The following NCAM1 variants were observed in gnomAD, a reference collection of about 807,000 sequenced individuals.
NCAM1 encodes the protein neural cell adhesion molecule 1.
In NCAM1, 14 loss-of-function variants were observed where a neutral mutation model predicts 109.8. That is an observed-to-expected ratio of 0.13 (90% CI 0.08 to 0.20). NCAM1 has a LOEUF of 0.20. Among genes scored for constraint, NCAM1 ranks in the 10% least tolerant of loss-of-function variants. The pLI is 1.00. For synonymous variants in NCAM1, 418 were observed against 442.9 expected, an observed-to-expected ratio of 0.94 and a Z score of 0.70; for missense variants, 774 against 1,109.9, an observed-to-expected ratio of 0.70 and a Z score of 4.30.
At chr11:113,224,217 T>C (rs79625788) in intron 9 of NCAM1, among the ~76,000 whole-genome samples, 12,856 of 152,124 alleles carry the variant, frequency 0.085, 672 homozygotes, top group East Asian at 0.21. Flanking sequence ...ATCTGAAAAA[T>C]TGGGTCATTC....
chr11:113,158,494 A>G (rs1274885206), intron 1 of NCAM1, among the ~76,000 whole-genome samples: 3 of 152,216 alleles, frequency 2.0e-5, no homozygotes, highest in Admixed American at 6.5e-5. Context: ...TTGGTCACAC[A>G]GAATTTTAAG....
In NCAM1 at chr11:113,004,232, C is replaced by T. The variant is rs528625094; in HGVS notation, c.52+42568C>T. On this transcript the variant is annotated intron_variant, in intron 1 of 19. Transcript: ENST00000316851. Reference sequence around the variant, plus strand: ...TCTTGTGGCCGGGCGCGGTGGCTCACGCCTGTAATCGCAGCACTTTGGGAG... The same window carrying T: ...TCTTGTGGCCGGGCGCGGTGGCTCATGCCTGTAATCGCAGCACTTTGGGAG... 1.1e-4 allele frequency among the ~76,000 whole-genome samples: 17 copies of T among 152,282 alleles called. No individual in the cohort carries two copies. The East Asian group carries it at 2.3e-3, about 21-fold the overall frequency.
chr11:113,077,783 T>C (rs1555086421), intron 1 of NCAM1, among the ~76,000 whole-genome samples: 1 of 151,466 alleles, frequency 6.6e-6, no homozygotes. Context: ...TCTTCCTGGG[T>C]TCAAGTGATT....
intron 1 of NCAM1, among the ~76,000 whole-genome samples, chr11:112,967,505 G>T (rs1950760089): frequency 6.6e-6 from 1 of 152,184 alleles, no homozygotes; most frequent in African/African-American, 2.4e-5. Context: ...TCAGACAAAT[G>T]ATTTAACTCC....
intron 1 of NCAM1, among the ~76,000 whole-genome samples, chr11:112,978,867 T>G (rs1951075345): frequency 6.6e-6 from 1 of 151,854 alleles, no homozygotes; most frequent in Admixed American, 6.6e-5. Flanking sequence ...TTTTAAATGA[T>G]TTTGTTAAAT....
intron 1 of NCAM1, among the ~76,000 whole-genome samples, chr11:113,083,972 G>A (rs182560553): frequency 3.9e-5 from 6 of 152,300 alleles, no homozygotes; most frequent in African/African-American, 1.4e-4. Flanking sequence ...ATGAGAAGAA[G>A]CTGGGGAGGG....
rs1950553278 is a variant in NCAM1 at position 112,961,503 on chromosome 11, G to A, written c.-110G>A. The A allele has an allele frequency of 1.2e-6, 1 of 804,750 alleles. No individual in the cohort carries two copies. The highest frequency in any genetic ancestry group is 2.3e-6 in the Non-Finnish European group (1 of 440,960). 49.9% of individuals were successfully genotyped at this position (804,750 alleles called of 1,614,324 possible). On this transcript the variant is annotated 5_prime_UTR_variant, in exon 1 of 20. Coordinates refer to ENST00000316851, the MANE Select transcript of NCAM1 (RefSeq NM_181351.5). The stretch of plus-strand genomic sequence containing the variant: ...TGCAAAAATAATCATACTCAGCCTG[G>A]CAATTGTCTGCCCCTAGGTCTGTCG...
chr11:113,136,592 G>A (rs1211819447), intron 1 of NCAM1, among the ~76,000 whole-genome samples: 1 of 152,188 alleles, frequency 6.6e-6, no homozygotes, highest in Non-Finnish European at 1.5e-5. Flanking sequence ...CTCAAAGTTG[G>A]TGGTGTTTGA....
intron 1 of NCAM1, among the ~76,000 whole-genome samples, chr11:113,111,564 C>T (rs1049347140): frequency 1.3e-5 from 2 of 152,080 alleles, no homozygotes; most frequent in Non-Finnish European, 1.5e-5. Context: ...GTAATGGAAG[C>T]GTTCTGTATC....
intron 1 of NCAM1, among the ~76,000 whole-genome samples, chr11:113,168,972 C>G (rs1942898617): frequency 6.6e-6 from 1 of 151,474 alleles, no homozygotes; most frequent in Middle Eastern, 3.4e-3. Flanking sequence ...AACGTGGAGG[C>G]AGGATGTAAA....
chr11:112,961,969 C>T (rs1327674118), intron 1 of NCAM1, among the ~76,000 whole-genome samples: 1 of 152,122 alleles, frequency 6.6e-6, no homozygotes, highest in African/African-American at 2.4e-5. Context: ...GGGGACTCAG[C>T]GGCCGCGCTG....
chr11:113,220,610 T>C (rs1263983547), intron 8 of NCAM1, among the ~76,000 whole-genome samples: 10 of 130,440 alleles, frequency 7.7e-5, no homozygotes, highest in Non-Finnish European at 1.1e-4. Context: ...CTCTTTTTTT[T>C]TTTTTTTTTT....
chr11:113,278,343 C>A lies in NCAM1; in HGVS notation c.*2956C>A, dbSNP rs1184618358. On this transcript the variant is annotated 3_prime_UTR_variant, in exon 20 of 20. Transcript: ENST00000316851. ...CATCGATACCACCTTTGTTTCCATT[C>A]TCACTGGTGTAAATACTGAGTACTA... 3 of 152,280 alleles carry A rather than the reference C, an allele frequency of 2.0e-5. No individual in the cohort carries two copies. Among genetic ancestry groups the A allele is most frequent in the African/African-American group, 7.2e-5 (3 of 41,552 alleles). The allele number at this position is 152,280 out of a possible 1,614,324, so 9.4% of individuals were successfully genotyped here. A position where few individuals can be genotyped will look rare whatever the true frequency, so the allele number is the denominator to read the frequency against.
chr11:113,039,687 C>G (rs1348546758), intron 1 of NCAM1, among the ~76,000 whole-genome samples: 1 of 152,164 alleles, frequency 6.6e-6, no homozygotes, highest in African/African-American at 2.4e-5. Context: ...AGACTCTAGG[C>G]TACTTCCCTC....
chr11:113,106,274 CT>C (rs1290785428), intron 1 of NCAM1, among the ~76,000 whole-genome samples: 7 of 152,280 alleles, frequency 4.6e-5, no homozygotes, highest in Admixed American at 1.3e-4. Flanking sequence ...GATCCGAATT[CT>C]TTTTTTCTAT....
intron 1 of NCAM1, among the ~76,000 whole-genome samples, chr11:113,127,737 A>G (rs1399897625): frequency 6.6e-6 from 1 of 152,274 alleles, no homozygotes; most frequent in African/African-American, 2.4e-5. Context: ...GCCCAGTAAC[A>G]AAAATCAGAC....
At chr11:113,267,732 CA>C (rs1311344907) in intron 17 of NCAM1, among the ~76,000 whole-genome samples, 1 of 152,166 alleles carries the variant, frequency 6.6e-6, no homozygotes, top group African/African-American at 2.4e-5. Flanking sequence ...TGCCACAGTT[CA>C]GAAGCCTTTT....
intron 1 of NCAM1, among the ~76,000 whole-genome samples, chr11:113,193,650 A>C (rs1461933626): frequency 6.6e-6 from 1 of 151,446 alleles, no homozygotes; most frequent in Non-Finnish European, 1.5e-5. Context: ...AAAAAAAGAA[A>C]GGAAGAAAAA....
At chr11:113,220,598 C>CTTTTTTTTTTT (rs1565508438) in intron 8 of NCAM1, among the ~76,000 whole-genome samples, 1 of 105,654 alleles carries the variant, frequency 9.5e-6, no homozygotes, top group South Asian at 2.6e-4. Context: ...CTCTCTCTCT[C>CTTTTTTTTTTT]TCTCTTTTTT....
Sources: allele counts gnomAD v4.1 joint callset (sites outside exome capture counted in the v4.1 genomes callset), GRCh38; gene constraint gnomAD v4.1.1; transcripts MANE v1.5; gene names NCBI Gene and HGNC (gene_info 2026-07-23, HGNC 2026-07-21).